Variants in KCNQ1 observed in about 807,000 individuals in gnomAD.
KCNQ1 encodes the protein potassium voltage-gated channel subfamily KQT member 1.
In KCNQ1, 49 loss-of-function variants were observed where a neutral mutation model predicts 72.4. The ratio of observed to expected loss-of-function variants is 0.68; its 90% CI spans 0.54 to 0.86. KCNQ1 has a LOEUF of 0.86. KCNQ1 is among the 40% of genes least tolerant of loss of function. The probability of loss-of-function intolerance (pLI) is 0.00; values close to 1 mark genes in which losing one functional copy is unlikely to be tolerated. For missense variants in KCNQ1, 790 were observed against 945.1 expected, an observed-to-expected ratio of 0.84 and a Z score of 2.15; for synonymous variants, 450 against 412.6, an observed-to-expected ratio of 1.09 and a Z score of -1.10.
chr11:2,561,059 G>A (rs1160237924), intron 2 of KCNQ1, among the ~76,000 whole-genome samples: 6 of 151,632 alleles, frequency 4.0e-5, no homozygotes, highest in Admixed American at 1.3e-4. Flanking sequence ...AAAATTAGCC[G>A]GGCGAGGTGG....
intron 15 of KCNQ1, among the ~76,000 whole-genome samples, chr11:2,786,402 T>G (rs930129023): frequency 6.6e-6 from 1 of 152,184 alleles, no homozygotes; most frequent in Non-Finnish European, 1.5e-5. Flanking sequence ...CACTAGGATA[T>G]GTTAATAGGT....
rs927744334 is a variant in KCNQ1 at position 2,691,252 on chromosome 11, G to A, written c.1514+29171G>A. ...ATCTGCAGTTAACCCCTTGAGTCTC[G>A]GAAGGCTGTTTGAGCCACTAATCAG... is the stretch of plus-strand genomic sequence containing the variant. On this transcript the variant is annotated intron_variant, in intron 11 of 15. Coordinates refer to ENST00000155840, the MANE Select transcript of KCNQ1 (RefSeq NM_000218.3). This position sits in a 1 kb window ranked among gnomAD's most constrained non-coding sequence, Gnocchi z 6.4. 1.0e-5 allele frequency: 4 copies of A among 398,476 alleles called. No homozygotes were observed. The highest frequency in any genetic ancestry group is 2.5e-4 in the South Asian group (2 of 7,856). The allele number at this position is 398,476 out of a possible 1,614,324, so 24.7% of individuals were successfully genotyped here.
intron 11 of KCNQ1, chr11:2,699,967 C>G (rs976493621): frequency 1.8e-5 from 7 of 398,210 alleles, no homozygotes; most frequent in Non-Finnish European, 3.1e-5. Flanking sequence ...CCTGGAGGTC[C>G]GTGCTGAGGC....
Position 2,562,261 on chromosome 11 carries a change from C to A in KCNQ1, c.478-8367C>A, listed in dbSNP as rs1848181391. Among the ~76,000 whole-genome samples, 1 of 152,118 alleles carries A rather than the reference C, an allele frequency of 6.6e-6. No individual in the cohort carries two copies. The highest frequency in any genetic ancestry group is 6.5e-5 in the Admixed American group (1 of 15,282). On this transcript the variant is annotated intron_variant, in intron 2 of 15. Transcript: ENST00000155840. The surrounding 1 kb of genome is among the most constrained non-coding windows in gnomAD (Gnocchi z 7.5). The stretch of plus-strand genomic sequence containing the variant: ...GTGTGGATGAGGGCCCCAGCTGTGC[C>A]CAGCACGTCACTGGGGGCCCACAAG...
intron 11 of KCNQ1, among the ~76,000 whole-genome samples, chr11:2,753,548 G>C (rs568828993): frequency 3.3e-5 from 5 of 152,344 alleles, no homozygotes; most frequent in African/African-American, 1.2e-4. Flanking sequence ...CTGCCACCTG[G>C]GAGTGATCTG....
intron 15 of KCNQ1, among the ~76,000 whole-genome samples, chr11:2,799,936 G>A (rs1847225734): frequency 6.6e-6 from 1 of 152,130 alleles, no homozygotes; most frequent in Non-Finnish European, 1.5e-5. Context: ...TGTCTACCTG[G>A]GCGACCCCAT....
chr11:2,679,182 A>G lies in KCNQ1; in HGVS notation c.1514+17101A>G. The stretch of plus-strand genomic sequence containing the variant: ...GCGACTCAGTTTCCATGTCTGAGTT[A>G]GGCCACCTGTAACAATGCAGCCCCA... On this transcript the variant is annotated intron_variant, in intron 11 of 15. Coordinates refer to ENST00000155840, the MANE Select transcript of KCNQ1 (RefSeq NM_000218.3). This position sits in a 1 kb window ranked among gnomAD's most constrained non-coding sequence, Gnocchi z 4.8. The G allele has an allele frequency of 2.5e-6, 1 of 398,662 alleles. No homozygotes were observed. The highest frequency in any genetic ancestry group is 4.4e-6 in the Non-Finnish European group (1 of 226,096). 24.7% of individuals were successfully genotyped at this position (398,662 alleles called of 1,614,324 possible). A position where few individuals can be genotyped will look rare whatever the true frequency, so the allele number is the denominator to read the frequency against.
intron 11 of KCNQ1, chr11:2,696,612 T>C (rs542762655): frequency 3.0e-5 from 12 of 398,686 alleles, no homozygotes; most frequent in Non-Finnish European, 4.9e-5. Flanking sequence ...AACTGGAAGT[T>C]TGAGTGGAGT....
chr11:2,838,609 C>T (rs945996358), intron 15 of KCNQ1, among the ~76,000 whole-genome samples: 2 of 152,070 alleles, frequency 1.3e-5, no homozygotes, highest in African/African-American at 2.4e-5. Context: ...TCAGAGGTTC[C>T]AGATGGCCCA....
chr11:2,688,125 C>A, intron 11 of KCNQ1: 1 of 398,876 alleles, frequency 2.5e-6, no homozygotes, highest in Non-Finnish European at 4.4e-6. Flanking sequence ...GGTGGGGATA[C>A]AGGCTGAGGT....
chr11:2,713,999 G>T lies in KCNQ1; in HGVS notation c.1514+51918G>T, dbSNP rs897332015. The stretch of plus-strand genomic sequence containing the variant: ...AGGTGGCTGCCACTCAGGGGTGTGT[G>T]GGGGGCGCCTTGGGGCACCCAGGCC... On this transcript the variant is annotated intron_variant, in intron 11 of 15. Coordinates refer to ENST00000155840, the MANE Select transcript of KCNQ1 (RefSeq NM_000218.3). The surrounding 1 kb of genome is among the most constrained non-coding windows in gnomAD (Gnocchi z 5.6). Among the ~76,000 whole-genome samples the T allele has an allele frequency of 6.6e-6, 1 of 152,158 alleles. No homozygotes were observed. The highest frequency in any genetic ancestry group is 1.5e-5 in the Non-Finnish European group (1 of 68,012).
rs752349726 is a variant in KCNQ1, at chr11:2,785,439, A to C, written c.1794+7402A>C. Among the ~76,000 whole-genome samples, 23 of 151,780 alleles carry C rather than the reference A, an allele frequency of 1.5e-4. No individual in the cohort carries two copies. The highest frequency in any genetic ancestry group is 1.8e-4 in the Non-Finnish European group (12 of 67,780). ...CTTCAACCTAGGAAAGCTGATTGAAAGAAAAAAAAAAGAATGTACTTTATA... is the reference window on the plus strand; with the variant it reads ...CTTCAACCTAGGAAAGCTGATTGAACGAAAAAAAAAAGAATGTACTTTATA... On this transcript the variant is annotated intron_variant, in intron 15 of 15. Transcript: ENST00000155840. This position sits in a 1 kb window ranked among gnomAD's most constrained non-coding sequence, Gnocchi z 4.4.
intron 1 of KCNQ1, among the ~76,000 whole-genome samples, chr11:2,449,388 C>T (rs977431375): frequency 3.3e-4 from 51 of 152,260 alleles, no homozygotes; most frequent in Non-Finnish European, 3.7e-4. Flanking sequence ...GTCACAGGGC[C>T]GGGTCTGAGG....
intron 10 of KCNQ1, chr11:2,628,186 A>G (rs1849291045): frequency 2.5e-6 from 1 of 398,610 alleles, no homozygotes; most frequent in Non-Finnish European, 4.4e-6. Context: ...AGCAGTTCCA[A>G]TTTTAATTTT....
At chr11:2,778,113 G>A (rs1564890001) in intron 15 of KCNQ1, 76 bp downstream of exon 15, 8 of 1,418,330 alleles carry the variant, frequency 5.6e-6, no homozygotes, top group East Asian at 4.6e-5. Context: ...TGGTCTGCGT[G>A]TGAACGTGAA....
intron 2 of KCNQ1, among the ~76,000 whole-genome samples, chr11:2,539,680 C>T (rs1424527897): frequency 1.3e-5 from 2 of 152,254 alleles, no homozygotes; most frequent in African/African-American, 4.8e-5. Context: ...TCTCTCCCGC[C>T]TTCCCCATAG....
At position 2,695,784 on chromosome 11, in the gene KCNQ1, G is replaced by T. The variant is rs949411423; in HGVS notation, c.1514+33703G>T. 2.0e-5 allele frequency: 8 copies of T among 398,468 alleles called. No individual in the cohort carries two copies. The highest frequency in any genetic ancestry group is 1.6e-4 in the African/African-American group (8 of 48,610). 24.7% of individuals were successfully genotyped at this position (398,468 alleles called of 1,614,324 possible). ...ACTTGGCCTTATCCTACTTTCTAAT[G>T]CTTCTCCTATGAAGAATAGCTGTTG... On this transcript the variant is annotated intron_variant, in intron 11 of 15. Transcript: ENST00000155840. This position sits in a 1 kb window ranked among gnomAD's most constrained non-coding sequence, Gnocchi z 5.2.
rs1030189756 is a variant in KCNQ1 at position 2,447,075 on chromosome 11, G to C, written c.386+1591G>C. On this transcript the variant is annotated intron_variant, in intron 1 of 15. Transcript: ENST00000155840. The surrounding 1 kb of genome is among the most constrained non-coding windows in gnomAD (Gnocchi z 7.6). Reference sequence around the variant, plus strand: ...CCGCAGACCCCCTCAATTCTCACTTGTATTCAGGTTTGTGGACACATGCCT... The same window carrying C: ...CCGCAGACCCCCTCAATTCTCACTTCTATTCAGGTTTGTGGACACATGCCT... Among the ~76,000 whole-genome samples, 2 of 152,216 alleles carry C rather than the reference G, an allele frequency of 1.3e-5. No homozygotes were observed. The highest frequency in any genetic ancestry group is 2.4e-5 in the African/African-American group (1 of 41,444).
Position 2,552,825 on chromosome 11 carries a change from G to A in KCNQ1, c.478-17803G>A, listed in dbSNP as rs548665505. Among the ~76,000 whole-genome samples, 6 of 149,780 alleles carry A rather than the reference G, an allele frequency of 4.0e-5. No homozygotes were observed. The South Asian group carries it at 6.4e-4, about 16-fold the overall frequency. On this transcript the variant is annotated intron_variant, in intron 2 of 15. Transcript: ENST00000155840. ...TTTTCCGATCCACGAACACTGTCTC[G>A]CTCCCCAGTGCCTCATGCACGTCTT...
Sources: gnomAD v4.1 joint callset for allele counts (sites outside exome capture counted in the v4.1 genomes callset) on GRCh38, gnomAD v4.1.1 for gene constraint, Gnocchi (gnomAD v3.1) non-coding constraint, MANE v1.5 for transcripts, NCBI Gene and HGNC (gene_info 2026-07-23, HGNC 2026-07-21) for gene names.